FAM171A1: variants seen among roughly 807,000 people sequenced by gnomAD.
FAM171A1 encodes the protein protein FAM171A1.
FAM171A1 carries 23 observed loss-of-function variants against 74.9 expected under a neutral mutation model. The ratio of observed to expected loss-of-function variants is 0.31; its 90% CI spans 0.22 to 0.44. FAM171A1 has a LOEUF of 0.44. FAM171A1 is among the 20% of genes least tolerant of loss of function. The pLI is 1.00. For missense variants in FAM171A1, 1,162 were observed against 1,159.2 expected, an observed-to-expected ratio of 1.00 and a Z score of -0.03; for synonymous variants, 527 against 505.7, an observed-to-expected ratio of 1.04 and a Z score of -0.57.
chr10:15,251,383 T>A (rs1834505439), intron 4 of FAM171A1, among the ~76,000 whole-genome samples: 1 of 151,800 alleles, frequency 6.6e-6, no homozygotes, highest in Non-Finnish European at 1.5e-5. Flanking sequence ...TATGTCCCCA[T>A]GTTGTTTATT....
intron 1 of FAM171A1, among the ~76,000 whole-genome samples, chr10:15,329,204 A>G (rs532851004): frequency 1.3e-5 from 2 of 152,228 alleles, no homozygotes; most frequent in Non-Finnish European, 2.9e-5. Context: ...GAGGTATACT[A>G]ACTTGAACTA....
chr10:15,288,916 G>T (rs968582545), intron 1 of FAM171A1, among the ~76,000 whole-genome samples: 1 of 135,572 alleles, frequency 7.4e-6, no homozygotes, highest in Non-Finnish European at 1.5e-5. Context: ...TCCACTTCCC[G>T]GGTTCAAGCG....
At chr10:15,225,100 C>T (rs995617826) in intron 5 of FAM171A1, among the ~76,000 whole-genome samples, 4 of 152,204 alleles carry the variant, frequency 2.6e-5, no homozygotes, top group East Asian at 1.9e-4. Flanking sequence ...CGTTGCCTTC[C>T]GTGGCTAGCC....
chr10:15,231,567 G>A (rs552122496), intron 5 of FAM171A1, among the ~76,000 whole-genome samples: 3 of 151,842 alleles, frequency 2.0e-5, no homozygotes, highest in East Asian at 2.0e-4. Context: ...ATCTCACTCC[G>A]AGTAGCAACG....
intron 1 of FAM171A1, among the ~76,000 whole-genome samples, chr10:15,323,129 G>A (rs1835507003): frequency 1.4e-5 from 2 of 140,452 alleles, no homozygotes; most frequent in African/African-American, 5.5e-5. Flanking sequence ...AACAGAGCAA[G>A]ACTGTCTCAA....
chr10:15,284,229 A>G (rs904829805), intron 1 of FAM171A1, 124 bp from the exon 2 acceptor site: 2 of 810,682 alleles, frequency 2.5e-6, no homozygotes, highest in East Asian at 5.3e-5. Context: ...GACACTCAAA[A>G]TATGCAGTTT....
At chr10:15,361,641 C>T (rs1338826435) in intron 1 of FAM171A1, among the ~76,000 whole-genome samples, 1 of 152,116 alleles carries the variant, frequency 6.6e-6, no homozygotes, top group Non-Finnish European at 1.5e-5. Context: ...CGAGATTATG[C>T]CATGGCACTC....
chr10:15,270,555 T>C (rs1466320618), intron 3 of FAM171A1, among the ~76,000 whole-genome samples: 2 of 152,296 alleles, frequency 1.3e-5, no homozygotes, highest in East Asian at 1.9e-4. Context: ...GAGTTTGAGA[T>C]CTGAGAACGG....
chr10:15,316,099 C>T (rs74123188), intron 1 of FAM171A1, among the ~76,000 whole-genome samples: 2,959 of 152,284 alleles, frequency 0.019, 100 homozygotes, highest in African/African-American at 0.067. Context: ...CCTCACGTTA[C>T]GGATAACTTA....
At chr10:15,348,270 T>C (rs888641256) in intron 1 of FAM171A1, among the ~76,000 whole-genome samples, 3 of 152,156 alleles carry the variant, frequency 2.0e-5, no homozygotes, top group Non-Finnish European at 4.4e-5. Flanking sequence ...TGAGCCACTG[T>C]GCCTGGCCAA....
intron 1 of FAM171A1, among the ~76,000 whole-genome samples, chr10:15,343,362 G>T (rs937626170): frequency 3.3e-5 from 5 of 152,152 alleles, no homozygotes; most frequent in African/African-American, 1.2e-4. Context: ...GGCAGTTCTG[G>T]CCCTAAGGAG....
chr10:15,253,249 C>T (rs887192225), intron 4 of FAM171A1, among the ~76,000 whole-genome samples: 1 of 152,160 alleles, frequency 6.6e-6, no homozygotes, highest in Non-Finnish European at 1.5e-5. Flanking sequence ...AATGATCCAC[C>T]CACCTCGGCC....
intron 1 of FAM171A1, among the ~76,000 whole-genome samples, chr10:15,297,829 G>C (rs1219965118): frequency 6.6e-6 from 1 of 152,068 alleles, no homozygotes; most frequent in East Asian, 1.9e-4. Context: ...TACTGGACCC[G>C]GTACAAAATG....
At chr10:15,288,132 T>C (rs181573776) in intron 1 of FAM171A1, among the ~76,000 whole-genome samples, 6 of 152,376 alleles carry the variant, frequency 3.9e-5, no homozygotes, top group Admixed American at 2.6e-4. Context: ...CCATAGTATA[T>C]ATATACCACA....
chr10:15,263,815 T>C (rs1164790781), intron 3 of FAM171A1, among the ~76,000 whole-genome samples: 1 of 151,884 alleles, frequency 6.6e-6, no homozygotes, highest in African/African-American at 2.4e-5. Context: ...ATTAATCATC[T>C]ATCTAATCTA....
At chr10:15,307,506 C>G (rs1290154117) in intron 1 of FAM171A1, among the ~76,000 whole-genome samples, 2 of 151,884 alleles carry the variant, frequency 1.3e-5, no homozygotes, top group Admixed American at 1.3e-4. Flanking sequence ...ATTAGCCAGG[C>G]ATGGTGGCAG....
At chr10:15,238,694 C>T (rs1280070525) in intron 5 of FAM171A1, among the ~76,000 whole-genome samples, 2 of 152,202 alleles carry the variant, frequency 1.3e-5, no homozygotes, top group African/African-American at 4.8e-5. Flanking sequence ...GAATCTACTA[C>T]AGGCCAATTG....
At chr10:15,359,979 G>A (rs1051344354) in intron 1 of FAM171A1, among the ~76,000 whole-genome samples, 14 of 152,160 alleles carry the variant, frequency 9.2e-5, no homozygotes, top group Admixed American at 2.6e-4. Flanking sequence ...CTGTTGCTCC[G>A]GTTGGAGTGC....
At chr10:15,302,556 C>A (rs547420614) in intron 1 of FAM171A1, among the ~76,000 whole-genome samples, 1 of 150,694 alleles carries the variant, frequency 6.6e-6, no homozygotes, top group East Asian at 1.9e-4. Flanking sequence ...CTAGACTGTG[C>A]CACATGGGTC....
Sources: gnomAD v4.1 joint callset for allele counts (sites outside exome capture counted in the v4.1 genomes callset) on GRCh38, gnomAD v4.1.1 for gene constraint, MANE v1.5 for transcripts, NCBI Gene and HGNC (gene_info 2026-07-23, HGNC 2026-07-21) for gene names.